Variants in PPL observed in about 807,000 individuals in gnomAD.
PPL encodes the protein periplakin.
A neutral mutation model predicts 194.4 loss-of-function variants in PPL; 198 were observed. That is an observed-to-expected ratio of 1.02 (90% CI 0.91 to 1.15). The LOEUF (loss-of-function observed/expected upper bound fraction) is 1.15, where lower values mean the gene tolerates loss of function less well. PPL is among the 50% of genes most tolerant of loss of function. The pLI is 0.00. For missense variants in PPL, 2,885 were observed against 2,294.8 expected (o/e 1.26, Z -5.25); for synonymous variants, 1,220 against 972.4 (o/e 1.25, Z -4.74).
rs138336105 is a variant in PPL, at chr16:4,929,596, A to T, written c.62+7388T>A. Among the ~76,000 whole-genome samples, 10 of 152,320 alleles carry T rather than the reference A, an allele frequency of 6.6e-5. No individual in the cohort carries two copies. The East Asian group carries it at 1.9e-3, about 29-fold the overall frequency. ...ACCATCTTTGCTGCAGATTTTTCTAAAAAGGAAGAGAAATGTTATTGTTCA... is the reference window on the plus strand; with the variant it reads ...ACCATCTTTGCTGCAGATTTTTCTATAAAGGAAGAGAAATGTTATTGTTCA... On this transcript the variant is annotated intron_variant, in intron 1 of 21. Transcript: ENST00000345988.
rs1211302767 is a variant in PPL at position 4,884,893 on chromosome 16, C to T, written c.3762G>A (p.Glu1254=). The change falls in exon 22 of 22, where the codon GAG becomes GAA. Residue 1254 remains glutamate, a synonymous_variant. Coordinates refer to ENST00000345988, the MANE Select transcript of PPL (RefSeq NM_002705.5). The surrounding 1 kb of genome is among the most constrained non-coding windows in gnomAD (Gnocchi z 5.7). The part of the protein sequence containing the change: ...MEKELQRLRE[E]IVDKTRLIER... The stretch of plus-strand genomic sequence containing the variant: ...CGATCAGTCTGGTCTTGTCCACGAT[C>T]TCCTCCCTGAGCCGCTGAAGCTCCT... 8 of 1,614,060 alleles carry T rather than the reference C, an allele frequency of 5.0e-6. No individual in the cohort carries two copies. The highest frequency in any genetic ancestry group is 6.8e-6 in the Non-Finnish European group (8 of 1,180,036).
At chr16:4,888,331 T>A in intron 19 of PPL, 113 bp from the exon 20 acceptor site, 1 of 728,882 alleles carries the variant, frequency 1.4e-6, no homozygotes, top group South Asian at 1.6e-5. Flanking sequence ...TGTGCTGGTT[T>A]TATAATCTGC....
In PPL at chr16:4,885,144, G is replaced by C. The variant is rs2088191374; in HGVS notation, c.3511C>G (p.Gln1171Glu). The C allele has an allele frequency of 6.2e-7, 1 of 1,614,048 alleles. No individual in the cohort carries two copies. Among genetic ancestry groups the C allele is most frequent in the African/African-American group, 1.3e-5 (1 of 75,040 alleles). Reference sequence around the variant, plus strand: ...CGCACGATCTCCCGCACCTTCTCCTGCACCACCACTTTGGCGTTCTCCTCC... The same window carrying C: ...CGCACGATCTCCCGCACCTTCTCCTCCACCACCACTTTGGCGTTCTCCTCC... ...LEEENAKVVV[Q>E]EKVREIVRPD... Residue 1171 changes from glutamine to glutamate, a missense_variant, in exon 22 of 22, where the codon CAG becomes GAG. Gln to Glu is a conservative substitution (Grantham distance 29). Coordinates refer to ENST00000345988, the MANE Select transcript of PPL (RefSeq NM_002705.5). The surrounding 1 kb of genome is among the most constrained non-coding windows in gnomAD (Gnocchi z 6.3).
intron 3 of PPL, among the ~76,000 whole-genome samples, chr16:4,903,474 C>A (rs556430436): frequency 6.6e-6 from 1 of 152,246 alleles, no homozygotes; most frequent in East Asian, 1.9e-4. Flanking sequence ...AATCCCAGCA[C>A]TTTGGGAGGT....
chr16:4,884,797 G>A lies in PPL; in HGVS notation c.3858C>T (p.Val1286=), dbSNP rs772852135. The part of the protein sequence containing the change: ...IQALKDTKPQ[V]QTKEVVQEIL... Reference sequence around the variant, plus strand: ...TCTCCTGGACCACCTCTTTGGTCTGGACCTGGGGTTTGGTGTCTTTCAGGG... The same window carrying A: ...TCTCCTGGACCACCTCTTTGGTCTGAACCTGGGGTTTGGTGTCTTTCAGGG... The change falls in exon 22 of 22, where the codon GTC becomes GTT. Residue 1286 remains valine (V), a synonymous_variant. Coordinates refer to ENST00000345988, the MANE Select transcript of PPL (RefSeq NM_002705.5). The surrounding 1 kb of genome is among the most constrained non-coding windows in gnomAD (Gnocchi z 5.7). The A allele has an allele frequency of 6.2e-7, 1 of 1,613,996 alleles. No homozygotes were observed. The highest frequency in any genetic ancestry group is 2.2e-5 in the East Asian group (1 of 44,880).
chr16:4,913,755 T>C (rs997788131), intron 1 of PPL, among the ~76,000 whole-genome samples: 8 of 152,180 alleles, frequency 5.3e-5, no homozygotes, highest in East Asian at 1.9e-4. Flanking sequence ...AACTTGGCCA[T>C]TGTCACCCAG....
intron 1 of PPL, among the ~76,000 whole-genome samples, chr16:4,927,116 T>C (rs1233613095): frequency 2.6e-5 from 4 of 151,866 alleles, no homozygotes; most frequent in Admixed American, 2.6e-4. Flanking sequence ...TGTAAATGAG[T>C]TAATTTTGCC....
In PPL at chr16:4,884,535, T is replaced by TC. The variant is rs758943469; in HGVS notation, c.4119dup (p.Ser1374GlufsTer10). ...ATCTGCCGCAGCTCCACATCGATGC[T>TC]CTCGGCAAAGGCGCTCGCCTCGGCC... On this transcript the variant is annotated frameshift_variant, in exon 22 of 22. Transcript: ENST00000345988. LOFTEE classifies it high-confidence loss of function. This position sits in a 1 kb window ranked among gnomAD's most constrained non-coding sequence, Gnocchi z 5.7. 1 of 1,612,528 alleles carries TC rather than the reference T, an allele frequency of 6.2e-7. No homozygotes were observed. Among genetic ancestry groups the TC allele is most frequent in the East Asian group, 2.2e-5 (1 of 44,842 alleles).
intron 6 of PPL, among the ~76,000 whole-genome samples, chr16:4,899,814 T>C (rs11076856): frequency 0.47 from 71,580 of 152,074 alleles, 18,862 homozygotes; most frequent in East Asian, 0.66. Flanking sequence ...AACTATAGCT[T>C]CTACTTTTAT....
chr16:4,891,998 C>G (rs748069425), intron 15 of PPL, 37 bp downstream of exon 15: 14 of 1,610,696 alleles, frequency 8.7e-6, no homozygotes, highest in Non-Finnish European at 7.6e-6. Flanking sequence ...GCCCCCTGAC[C>G]CCACCCCAAC....
chr16:4,906,477 G>A (rs1428763609), intron 2 of PPL, among the ~76,000 whole-genome samples: 1 of 152,072 alleles, frequency 6.6e-6, no homozygotes. Context: ...CACCCGCCTC[G>A]GCCTCCCAAA....
At chr16:4,929,634 G>A (rs1224077002) in intron 1 of PPL, among the ~76,000 whole-genome samples, 1 of 152,098 alleles carries the variant, frequency 6.6e-6, no homozygotes, top group Non-Finnish European at 1.5e-5. Flanking sequence ...ATCCTTTCAG[G>A]CCCCTTCTTA....
rs1321231457 is a variant in PPL, at chr16:4,894,605, C to T, written c.1256G>A (p.Arg419Gln). 2.5e-6 allele frequency: 4 copies of T among 1,613,218 alleles called. No individual in the cohort carries two copies. Among genetic ancestry groups the T allele is most frequent in the South Asian group, 1.1e-5 (1 of 91,078 alleles). Residue 419 changes from arginine (R) to glutamine (Q), a missense_variant, in exon 12 of 22, where the codon CGG becomes CAG. Arg to Gln is a conservative substitution (Grantham distance 43). Coordinates refer to ENST00000345988, the MANE Select transcript of PPL (RefSeq NM_002705.5). Reference protein sequence around the residue: ...DFEGEQGLISRGYSYTLQKNN... With the variant: ...DFEGEQGLISQGYSYTLQKNN... The stretch of plus-strand genomic sequence containing the variant: ...CTTCTGCAGGGTGTAGCTGTAGCCC[C>T]GCGAGATCAGGCCCTGGCGGGGGCA...
intron 1 of PPL, among the ~76,000 whole-genome samples, chr16:4,932,064 T>A (rs1185129389): frequency 6.6e-6 from 1 of 152,156 alleles, no homozygotes; most frequent in Non-Finnish European, 1.5e-5. Flanking sequence ...TGCTGCCAGA[T>A]CCAGGTACGA....
intron 1 of PPL, among the ~76,000 whole-genome samples, chr16:4,931,641 A>T (rs930605258): frequency 3.3e-5 from 5 of 152,226 alleles, no homozygotes; most frequent in African/African-American, 1.2e-4. Flanking sequence ...AGCAGAGAGC[A>T]GCTGCACGCT....
chr16:4,884,999 A>G lies in PPL; in HGVS notation c.3656T>C (p.Leu1219Pro), dbSNP rs1322925882. ...LRSYQSELEA[L>P]RRRGPQVEVK... The stretch of plus-strand genomic sequence containing the variant: ...TTCCACCTGGGGGCCTCGCCTCCTG[A>G]GGGCCTCCAGCTCACTCTGGTAGCT... Residue 1219 changes from leucine to proline, a missense_variant, in exon 22 of 22, where the codon CTC becomes CCC. By Grantham distance (98) the Leu-to-Pro change is moderately conservative (BLOSUM62 -3). Transcript: ENST00000345988. The surrounding 1 kb of genome is among the most constrained non-coding windows in gnomAD (Gnocchi z 5.7). The G allele has an allele frequency of 1.2e-6, 2 of 1,613,748 alleles. No homozygotes were observed. Among genetic ancestry groups the G allele is most frequent in the Non-Finnish European group, 8.5e-7 (1 of 1,179,998 alleles).
intron 1 of PPL, among the ~76,000 whole-genome samples, chr16:4,927,129 TTAAAAGA>T (rs1206161874): frequency 1.3e-5 from 2 of 152,146 alleles, no homozygotes; most frequent in African/African-American, 4.8e-5. Context: ...ATTTTGCCTA[TTAAAAGA>T]TAAAAGACTC....
intron 9 of PPL, among the ~76,000 whole-genome samples, chr16:4,896,644 T>G (rs1031408909): frequency 7.3e-5 from 11 of 150,682 alleles, no homozygotes; most frequent in Non-Finnish European, 1.5e-5. Flanking sequence ...GGGTTGTTTT[T>G]TTTTTTTTTT....
At chr16:4,935,613 T>C (rs2089286749) in intron 1 of PPL, among the ~76,000 whole-genome samples, 1 of 152,014 alleles carries the variant, frequency 6.6e-6, no homozygotes, top group South Asian at 2.1e-4. Context: ...GGGTAATGCC[T>C]CTGAGCTTGA....
Sources: allele counts gnomAD v4.1 joint callset (sites outside exome capture counted in the v4.1 genomes callset), GRCh38; gene constraint gnomAD v4.1.1; non-coding constraint Gnocchi (gnomAD v3.1); transcripts MANE v1.5; gene names NCBI Gene and HGNC (gene_info 2026-07-23, HGNC 2026-07-21).